Variants in SIPA1L2 observed in about 807,000 individuals in gnomAD.
SIPA1L2 encodes the protein signal-induced proliferation-associated 1-like protein 2.
Under a neutral mutation model 163.9 loss-of-function variants are expected in SIPA1L2, and 56 were observed. The ratio of observed to expected loss-of-function variants is 0.34; its 90% confidence interval spans 0.28 to 0.43. The LOEUF (loss-of-function observed/expected upper bound fraction) is 0.43. SIPA1L2 is among the 20% of genes least tolerant of loss of function. The pLI is 1.00. For synonymous variants in SIPA1L2, 877 were observed against 865.7 expected, an observed-to-expected ratio of 1.01 and a Z score of -0.23; for missense variants, 1,974 against 2,193.5, an observed-to-expected ratio of 0.90 and a Z score of 2.00.
chr1:232,421,288 C>A (rs1364353788), intron 18 of SIPA1L2, among the ~76,000 whole-genome samples: 1 of 152,188 alleles, frequency 6.6e-6, no homozygotes, highest in Non-Finnish European at 1.5e-5. Flanking sequence ...CAGGGAACCA[C>A]TGCCTGCGCA....
chr1:232,448,201 G>A lies in SIPA1L2; in HGVS notation c.3096-2415C>T, dbSNP rs113791731. ...GCCTAAGGTTCCCACCAACTGCACA[G>A]TGCAAGGCGTACTCTTAACTTGACC... On this transcript the variant is annotated intron_variant, in intron 10 of 22. Transcript: ENST00000674635. Among the ~76,000 whole-genome samples, 34 of 152,308 alleles carry A rather than the reference G, an allele frequency of 2.2e-4. No homozygotes were observed. In the Middle Eastern group the frequency reaches 0.014, roughly 61 times the overall value.
rs138383388 is a variant in SIPA1L2 at position 232,400,053 on chromosome 1, G to A, written c.5023-780C>T. Reference sequence around the variant, plus strand: ...CTGGTCCTGCCCTCAAGGCTTCCTCGTTTCCTGAGCCCTTCCAAGGCCCTC... The same window carrying A: ...CTGGTCCTGCCCTCAAGGCTTCCTCATTTCCTGAGCCCTTCCAAGGCCCTC... On this transcript the variant is annotated intron_variant, in intron 22 of 22. Transcript: ENST00000674635. Among the ~76,000 whole-genome samples, 361 of 152,214 alleles carry A rather than the reference G, an allele frequency of 2.4e-3. 4 individuals carry two copies. The highest frequency in any genetic ancestry group is 8.3e-3 in the African/African-American group (346 of 41,528).
At chr1:232,459,801 T>C (rs1427532683) in intron 10 of SIPA1L2, among the ~76,000 whole-genome samples, 2 of 152,146 alleles carry the variant, frequency 1.3e-5, no homozygotes, top group African/African-American at 2.4e-5. Flanking sequence ...GTGTGAGCCA[T>C]AGCGCCCAGC....
chr1:232,475,754 G>A (rs1016327694), intron 7 of SIPA1L2, among the ~76,000 whole-genome samples: 2 of 152,124 alleles, frequency 1.3e-5, no homozygotes, highest in Non-Finnish European at 1.5e-5. Flanking sequence ...ATGTACAAAC[G>A]AATTAAGAAA....
intron 1 of SIPA1L2, among the ~76,000 whole-genome samples, chr1:232,626,239 T>TTC (rs1338719450): frequency 1.3e-5 from 2 of 151,706 alleles, no homozygotes; most frequent in East Asian, 3.9e-4. Context: ...GCTTTTTTTT[T>TTC]TTTTTTTCAT....
At chr1:232,570,298 T>C (rs1397625339) in intron 2 of SIPA1L2, among the ~76,000 whole-genome samples, 1 of 152,122 alleles carries the variant, frequency 6.6e-6, no homozygotes. Context: ...AGTGAACAAA[T>C]CCTAACTTCG....
At chr1:232,564,266 GTGTGTGTGTGTGTGTA>G (rs1659266997) in intron 2 of SIPA1L2, among the ~76,000 whole-genome samples, 1 of 116,786 alleles carries the variant, frequency 8.6e-6, no homozygotes, top group African/African-American at 3.9e-5. Context: ...GTGTGTGTGT[GTGTGTGTGTGTGTGTA>G]TGATGGAGTT....
intron 15 of SIPA1L2, among the ~76,000 whole-genome samples, chr1:232,436,140 T>C (rs1036259446): frequency 3.2e-4 from 49 of 152,310 alleles, no homozygotes; most frequent in Non-Finnish European, 4.6e-4. Context: ...CACTGGTTTA[T>C]TAACTCCATC....
chr1:232,440,507 C>T (rs981332981), intron 14 of SIPA1L2, among the ~76,000 whole-genome samples: 8 of 152,168 alleles, frequency 5.3e-5, no homozygotes, highest in Admixed American at 2.0e-4. Context: ...TAAATAGATA[C>T]GGTGAGGCTG....
At chr1:232,562,106 T>C (rs1400362824) in intron 2 of SIPA1L2, among the ~76,000 whole-genome samples, 1 of 152,088 alleles carries the variant, frequency 6.6e-6, no homozygotes, top group Non-Finnish European at 1.5e-5. Flanking sequence ...GGAGAAGTAC[T>C]GATGAGGAGA....
intron 1 of SIPA1L2, among the ~76,000 whole-genome samples, chr1:232,593,947 C>A (rs886955254): frequency 1.3e-5 from 2 of 152,236 alleles, no homozygotes; most frequent in African/African-American, 4.8e-5. Context: ...CAAGGGCAAG[C>A]TCAGGCCCCT....
chr1:232,428,662 C>T, intron 16 of SIPA1L2, 98 bp from the exon 17 acceptor site: 2 of 844,784 alleles, frequency 2.4e-6, no homozygotes, highest in Non-Finnish European at 1.7e-6. Flanking sequence ...GCCACAAACG[C>T]ATACAAACAC....
intron 1 of SIPA1L2, among the ~76,000 whole-genome samples, chr1:232,598,626 C>G (rs1386860042): frequency 6.6e-6 from 1 of 152,134 alleles, no homozygotes; most frequent in Non-Finnish European, 1.5e-5. Flanking sequence ...AGGGCACTAG[C>G]ACATTCAGGG....
intron 1 of SIPA1L2, among the ~76,000 whole-genome samples, chr1:232,605,090 G>A (rs999349008): frequency 2.0e-5 from 3 of 152,152 alleles, no homozygotes; most frequent in Non-Finnish European, 4.4e-5. Context: ...ATGGCTCACT[G>A]CAGTCTTGAC....
intron 1 of SIPA1L2, among the ~76,000 whole-genome samples, chr1:232,602,725 A>G (rs976922089): frequency 3.3e-5 from 5 of 152,222 alleles, no homozygotes; most frequent in African/African-American, 9.6e-5. Flanking sequence ...AAATGGGCAG[A>G]GTAGACAACT....
rs1315291759 is a variant in SIPA1L2 at position 232,479,640 on chromosome 1, T to C, written c.2072A>G (p.Asn691Ser). ...HVSTLLPYMP[N>S]NRQQLLRKRH... Reference sequence around the variant, plus strand: ...GGGAGGACATACCTGTTGTCTGTTGTTGGGCATGTAGGGAAGCAGGGTTGA... The same window carrying C: ...GGGAGGACATACCTGTTGTCTGTTGCTGGGCATGTAGGGAAGCAGGGTTGA... The change falls in exon 7 of 23, where the codon AAC (asparagine) becomes AGC (serine). Residue 691 changes from asparagine (N) to serine (S), a missense_variant. Asn to Ser is a conservative substitution (Grantham distance 46). This residue lies in a region of SIPA1L2 where 288 missense variants were observed against 418.9 expected (regional missense o/e 0.69). Coordinates refer to ENST00000674635, the MANE Select transcript of SIPA1L2 (RefSeq NM_020808.5). 5 of 1,613,450 alleles carry C rather than the reference T, an allele frequency of 3.1e-6. No individual in the cohort carries two copies. Among genetic ancestry groups the C allele is most frequent in the African/African-American group, 1.3e-5 (1 of 74,862 alleles).
chr1:232,504,545 CA>C lies in SIPA1L2; in HGVS notation c.1483+9311del, dbSNP rs373258695. Among the ~76,000 whole-genome samples the C allele has an allele frequency of 7.4e-3, 1,020 of 136,938 alleles. 6 individuals are homozygous for C. The highest frequency in any genetic ancestry group is 0.02 in the African/African-American group (757 of 37,436). 89.8% of individuals were successfully genotyped at this position (136,938 alleles called of 152,430 possible). A position where few individuals can be genotyped will look rare whatever the true frequency, so the allele number is the denominator to read the frequency against. On this transcript the variant is annotated intron_variant, in intron 3 of 22. Transcript: ENST00000674635. ...AGAGCGAGACTCCATCTCAGAAAGA[CA>C]AAAAAAAAAAAGTAACTCAACAACC...
At chr1:232,517,415 C>T (rs557277453) in intron 2 of SIPA1L2, among the ~76,000 whole-genome samples, 8 of 152,120 alleles carry the variant, frequency 5.3e-5, no homozygotes, top group Non-Finnish European at 8.8e-5. Flanking sequence ...AAGAGCAAAC[C>T]GGCATCTCCT....
chr1:232,563,942 T>TG (rs1249282508), intron 2 of SIPA1L2, among the ~76,000 whole-genome samples: 30 of 133,658 alleles, frequency 2.2e-4, no homozygotes, highest in African/African-American at 1.0e-3. Context: ...CGACAAAGGT[T>TG]TGTTTTTTTT....
Sources: allele counts gnomAD v4.1 joint callset (sites outside exome capture counted in the v4.1 genomes callset), GRCh38; gene constraint gnomAD v4.1.1; regional missense constraint gnomAD v4.1.1; transcripts MANE v1.5; gene names NCBI Gene and HGNC (gene_info 2026-07-23, HGNC 2026-07-21).